The following ADAM15 variants were observed in gnomAD, a reference collection of about 807,000 sequenced individuals.
ADAM15 encodes the protein disintegrin and metalloproteinase domain-containing protein 15.
A neutral mutation model predicts 113.8 loss-of-function variants in ADAM15; 77 were observed. That is an observed-to-expected ratio of 0.68 (90% confidence interval 0.56 to 0.82). The LOEUF (loss-of-function observed/expected upper bound fraction) is 0.82. Among genes scored for constraint, ADAM15 ranks in the 40% least tolerant of loss-of-function variants. The pLI is 0.00. For missense variants in ADAM15, 963 were observed against 1,120.1 expected, an observed-to-expected ratio of 0.86 and a Z score of 2.00; for synonymous variants, 388 against 454.1, an observed-to-expected ratio of 0.85 and a Z score of 1.85.
chr1:155,053,862 G>A (rs777861231), intron 3 of ADAM15, 48 bp from the exon 4 acceptor site: 14 of 1,597,694 alleles, frequency 8.8e-6, no homozygotes, highest in African/African-American at 8.0e-5. Flanking sequence ...GTCAATGCAC[G>A]ACCTGGGAAG....
chr1:155,053,468 C>T lies in ADAM15; in HGVS notation c.238C>T (p.His80Tyr), dbSNP rs546412888. 7.7e-5 allele frequency: 125 copies of T among 1,614,164 alleles called. 1 individual carries two copies. In the South Asian group the frequency reaches 1.3e-3, roughly 17 times the overall value. Residue 80 changes from histidine to tyrosine, a missense_variant, in exon 3 of 23, where the codon CAT becomes TAT. Transcript: ENST00000356955. ...RIKLELDGDS[H>Y]ILELLQNREL... ...CAAGTTGGAGCTGGACGGTGACAGT[C>T]ATATCCTGGAGCTGCTACAGAATAG...
At chr1:155,052,531 T>C in intron 1 of ADAM15, 140 bp from the exon 2 acceptor site, 1 of 1,547,720 alleles carries the variant, frequency 6.5e-7, no homozygotes, top group Non-Finnish European at 8.7e-7. Context: ...CTTCTTTAAG[T>C]CTCAGCATGC....
Position 155,056,507 on chromosome 1 carries a change from C to G in ADAM15, c.999+37C>G. 2 of 1,591,882 alleles carry G rather than the reference C, an allele frequency of 1.3e-6. No individual in the cohort carries two copies. Among genetic ancestry groups the G allele is most frequent in the South Asian group, 1.1e-5 (1 of 90,312 alleles). ...CCAGGTCTCCTCCTCATTCCCAATT[C>G]AGTTCCTCCCAAGTGTGGTGGCATT... On this transcript the variant is annotated intron_variant, in intron 10 of 22. Transcript: ENST00000356955. This position sits in a 1 kb window ranked among gnomAD's most constrained non-coding sequence, Gnocchi z 4.0.
intron 16 of ADAM15, 149 bp from the exon 17 acceptor site, chr1:155,059,752 TG>T: frequency 1.3e-6 from 1 of 746,890 alleles, no homozygotes; most frequent in Non-Finnish European, 2.3e-6. Flanking sequence ...TAATTTGCTC[TG>T]GTATGGATAA....
Position 155,054,390 on chromosome 1 carries a change from A to G in ADAM15, c.496A>G (p.Ile166Val). ...TGGGGACCTTCAGGGTCCTCCCATT[A>G]TTTCGCGAATCCAAGATCTCCACCT... ...GPGDLQGPPI[I>V]SRIQDLHLPG... Residue 166 changes from isoleucine (I) to valine (V), a missense_variant, in exon 6 of 23, where the codon ATT (isoleucine) becomes GTT (valine). Transcript: ENST00000356955. The G allele has an allele frequency of 1.2e-6, 2 of 1,611,896 alleles. No individual in the cohort carries two copies.
intron 19 of ADAM15, 127 bp from the exon 20 acceptor site, chr1:155,061,288 T>C: frequency 1.5e-6 from 1 of 658,212 alleles, no homozygotes; most frequent in South Asian, 1.8e-5. Flanking sequence ...CCTGCATAAC[T>C]GCATGCACAG....
At position 155,062,100 on chromosome 1, in the gene ADAM15, T is replaced by G. The variant is rs1662724460; in HGVS notation, c.2424+125T>G. ...TGCATGAGGGCACATATCCCGGTGGTGCCTTTAATGGTGACAGGTTTGTTT... is the reference window on the plus strand; with the variant it reads ...TGCATGAGGGCACATATCCCGGTGGGGCCTTTAATGGTGACAGGTTTGTTT... On this transcript the variant is annotated intron_variant, in intron 21 of 22. Coordinates refer to ENST00000356955, the MANE Select transcript of ADAM15 (RefSeq NM_207197.3). The surrounding 1 kb of genome is among the most constrained non-coding windows in gnomAD (Gnocchi z 7.0). 1 of 1,477,418 alleles carries G rather than the reference T, an allele frequency of 6.8e-7. No individual in the cohort carries two copies. The highest frequency in any genetic ancestry group is 1.4e-5 in the African/African-American group (1 of 70,398). The allele number at this position is 1,477,418 out of a possible 1,614,324, so 91.5% of individuals were successfully genotyped here. A position where few individuals can be genotyped will look rare whatever the true frequency, so the allele number is the denominator to read the frequency against.
In ADAM15 at chr1:155,054,525, G is replaced by A; in HGVS notation, c.612+19G>A. 6.5e-7 allele frequency: 1 copy of A among 1,546,106 alleles called. No homozygotes were observed. Among genetic ancestry groups the A allele is most frequent in the Non-Finnish European group, 8.7e-7 (1 of 1,143,314 alleles). On this transcript the variant is annotated intron_variant, in intron 6 of 22. Transcript: ENST00000356955. Reference sequence around the variant, plus strand: ...TCGCCGGGTGAGGATGAATGGCAGGGGGGTGGGCTTTGGTTGTCTTGAGGG... The same window carrying A: ...TCGCCGGGTGAGGATGAATGGCAGGAGGGTGGGCTTTGGTTGTCTTGAGGG...
chr1:155,061,908 A>T lies in ADAM15; in HGVS notation c.2357A>T (p.Glu786Val). Residue 786 changes from glutamate (E) to valine (V), a missense_variant, in exon 21 of 23, where the codon GAG becomes GTG. By Grantham distance (121) the Glu-to-Val change is moderately radical. Transcript: ENST00000356955. ...ACTGCCCCTCTCTCTGTTCAGGCTG[A>T]GCTGGCTGACCGACCCAATCCCCCT... ...PDPVSKRLQA[E>V]LADRPNPPTR... The T allele has an allele frequency of 6.5e-7, 1 of 1,533,382 alleles. No homozygotes were observed. Among genetic ancestry groups the T allele is most frequent in the South Asian group, 1.2e-5 (1 of 80,386 alleles). The allele number at this position is 1,533,382 out of a possible 1,614,324, so 95.0% of individuals were successfully genotyped here. A position where few individuals can be genotyped will look rare whatever the true frequency, so the allele number is the denominator to read the frequency against.
rs1379690796 is a variant in ADAM15 at position 155,057,361 on chromosome 1, A to G, written c.1322A>G (p.Asp441Gly). 6.2e-7 allele frequency: 1 copy of G among 1,614,006 alleles called. No individual in the cohort carries two copies. The highest frequency in any genetic ancestry group is 8.5e-7 in the Non-Finnish European group (1 of 1,179,944). ...GAGCAGTGTGACTGTGGCTTCCTGG[A>G]TGTGAGCCCCTTTCCCAAAGCCTCG... ...PGEQCDCGFL[D>G]DCVDPCCDSL... Residue 441 changes from aspartate to glycine, a missense_variant and splice_region_variant, in exon 12 of 23, where the codon GAT becomes GGT. Transcript: ENST00000356955. This position sits in a 1 kb window ranked among gnomAD's most constrained non-coding sequence, Gnocchi z 5.0.
Position 155,062,616 on chromosome 1 carries a change from A to C in ADAM15, c.*114A>C. The C allele has an allele frequency of 7.9e-6, 11 of 1,399,376 alleles. No individual in the cohort carries two copies. Among genetic ancestry groups the C allele is most frequent in the Non-Finnish European group, 7.8e-6 (8 of 1,023,320 alleles). 86.7% of individuals were successfully genotyped at this position (1,399,376 alleles called of 1,614,324 possible). On this transcript the variant is annotated 3_prime_UTR_variant, in exon 23 of 23. Transcript: ENST00000356955. This position sits in a 1 kb window ranked among gnomAD's most constrained non-coding sequence, Gnocchi z 7.0. ...CGCCAGAGACTGGCGGTGTCTTAAG[A>C]CTCCGGGCACCGCCACGCGCTGTCA...
chr1:155,059,888 C>T lies in ADAM15; in HGVS notation c.1996-14C>T, dbSNP rs1445164899. The T allele has an allele frequency of 1.9e-6, 3 of 1,613,498 alleles. No homozygotes were observed. The highest frequency in any genetic ancestry group is 2.5e-6 in the Non-Finnish European group (3 of 1,179,640). The stretch of plus-strand genomic sequence containing the variant: ...GAGTGCAGAGCTCCTCATTGCTCGC[C>T]TTGTACCTCCTAGGTCTGTGACAGC... On this transcript the variant is annotated splice_polypyrimidine_tract_variant and intron_variant, in intron 16 of 22. Transcript: ENST00000356955.
intron 3 of ADAM15, 105 bp from the exon 4 acceptor site, chr1:155,053,805 G>T: frequency 7.4e-7 from 1 of 1,348,528 alleles, no homozygotes; most frequent in Non-Finnish European, 1.0e-6. Context: ...GTTGGCTGCG[G>T]GGGTTGCCTG....
chr1:155,061,875 T>G, intron 20 of ADAM15, 29 bp from the exon 21 acceptor site: 1 of 1,500,728 alleles, frequency 6.7e-7, no homozygotes, highest in Non-Finnish European at 8.9e-7. Flanking sequence ...GGTTATGCTC[T>G]CACAGCCACT....
In ADAM15 at chr1:155,057,568, G is replaced by A. The variant is rs1661945257; in HGVS notation, c.1324-69G>A. On this transcript the variant is annotated intron_variant, in intron 12 of 22. Coordinates refer to ENST00000356955, the MANE Select transcript of ADAM15 (RefSeq NM_207197.3). This position sits in a 1 kb window ranked among gnomAD's most constrained non-coding sequence, Gnocchi z 5.0. ...CTTCTGGTCTTGGCCTGTGGGAGGA[G>A]GAGAGATTGGAGGGAGGCTCACAGG... 1 of 1,573,682 alleles carries A rather than the reference G, an allele frequency of 6.4e-7. No homozygotes were observed. Among genetic ancestry groups the A allele is most frequent in the Non-Finnish European group, 8.7e-7 (1 of 1,144,804 alleles).
rs751767000 is a variant in ADAM15, at chr1:155,060,186, A to T, written c.2069-19A>T. On this transcript the variant is annotated intron_variant, in intron 17 of 22. Transcript: ENST00000356955. ...AGTTCTTAGCCCCGTCCTCCCTTAA[A>T]CCTGACTTCCGCCCACAGCAACCAG... 3.7e-6 allele frequency: 6 copies of T among 1,612,356 alleles called. No homozygotes were observed. The Admixed American group carries it at 1.0e-4, about 27-fold the overall frequency.
rs924855674 is a variant in ADAM15, at chr1:155,062,164, T to C, written c.2425-81T>C. On this transcript the variant is annotated intron_variant, in intron 21 of 22. Coordinates refer to ENST00000356955, the MANE Select transcript of ADAM15 (RefSeq NM_207197.3). The surrounding 1 kb of genome is among the most constrained non-coding windows in gnomAD (Gnocchi z 7.0). ...ACCGCTGGTGCTGCCCCCAAGCTGG[T>C]GTTCCCCAGCACCAGTGCGTTGGGG... 1.5e-5 allele frequency: 22 copies of C among 1,444,068 alleles called. No individual in the cohort carries two copies. The highest frequency in any genetic ancestry group is 1.7e-5 in the Non-Finnish European group (19 of 1,096,200). 89.5% of individuals were successfully genotyped at this position (1,444,068 alleles called of 1,614,324 possible).
chr1:155,061,180 T>C (rs984490340), intron 19 of ADAM15: 17 of 580,796 alleles, frequency 2.9e-5, no homozygotes, highest in Non-Finnish European at 4.9e-5. Context: ...CAGGTCACCA[T>C]GTTAGAAGGG....
At chr1:155,060,902 C>A in intron 19 of ADAM15, 70 bp downstream of exon 19, 1 of 1,427,340 alleles carries the variant, frequency 7.0e-7, no homozygotes, top group Non-Finnish European at 9.7e-7. Context: ...CTGGGGGGTG[C>A]GCATTAAAGG....
Sources: gnomAD v4.1 joint callset for allele counts on GRCh38, gnomAD v4.1.1 for gene constraint, Gnocchi (gnomAD v3.1) non-coding constraint, MANE v1.5 for transcripts, NCBI Gene and HGNC (gene_info 2026-07-23, HGNC 2026-07-21) for gene names.